Variants in CACNA2D3 observed in about 807,000 individuals in gnomAD.
CACNA2D3 encodes the protein voltage-dependent calcium channel subunit alpha-2/delta-3.
In CACNA2D3, 60 loss-of-function variants were observed where a neutral mutation model predicts 160.6. That is an observed-to-expected ratio of 0.37 (90% CI 0.30 to 0.46). The LOEUF is 0.46. CACNA2D3 is among the 20% of genes least tolerant of loss of function. The probability of loss-of-function intolerance (pLI) is 1.00; values close to 1 mark genes in which losing one functional copy is unlikely to be tolerated. For synonymous variants in CACNA2D3, 558 were observed against 492.9 expected, an observed-to-expected ratio of 1.13 and a Z score of -1.75; for missense variants, 1,205 against 1,365.0, an observed-to-expected ratio of 0.88 and a Z score of 1.85.
chr3:55,031,558 A>G (rs1703689352), intron 35 of CACNA2D3, among the ~76,000 whole-genome samples: 1 of 152,134 alleles, frequency 6.6e-6, no homozygotes, highest in African/African-American at 2.4e-5. Context: ...TTTTTTAATG[A>G]TCAGCTTTTC....
At chr3:54,280,578 C>T (rs926737484) in intron 2 of CACNA2D3, among the ~76,000 whole-genome samples, 4 of 151,984 alleles carry the variant, frequency 2.6e-5, no homozygotes, top group African/African-American at 9.7e-5. Flanking sequence ...CAGGGCAGGC[C>T]TCAGGGAGGA....
intron 11 of CACNA2D3, among the ~76,000 whole-genome samples, chr3:54,733,079 C>A (rs1285662730): frequency 2.0e-5 from 3 of 152,190 alleles, no homozygotes; most frequent in Admixed American, 1.3e-4. Flanking sequence ...TTGGTAGAAA[C>A]CTCATGTTTC....
At chr3:55,013,860 C>T (rs1232870884) in intron 34 of CACNA2D3, among the ~76,000 whole-genome samples, 1 of 152,186 alleles carries the variant, frequency 6.6e-6, no homozygotes, top group Non-Finnish European at 1.5e-5. Flanking sequence ...CACATAATTA[C>T]TGTGAACCCA....
At chr3:54,998,992 C>T (rs895359005) in intron 31 of CACNA2D3, among the ~76,000 whole-genome samples, 7 of 152,266 alleles carry the variant, frequency 4.6e-5, no homozygotes, top group East Asian at 1.9e-4. Context: ...ATGATCCGCC[C>T]GCCTTGGCCT....
At chr3:54,570,125 C>T (rs566029082) in intron 8 of CACNA2D3, 21 bp downstream of exon 8, 1 of 1,605,582 alleles carries the variant, frequency 6.2e-7, no homozygotes, top group South Asian at 1.1e-5. Flanking sequence ...CGTTTTGTGC[C>T]TTCTTTGCAC....
intron 11 of CACNA2D3, among the ~76,000 whole-genome samples, chr3:54,687,140 T>TTTTTTTTTTTTTTTTTTTTTTC (rs1559549449): frequency 1.4e-5 from 1 of 69,670 alleles, no homozygotes; most frequent in Non-Finnish European, 3.2e-5. Flanking sequence ...TTTTTGTTTT[T>TTTTTTTTTTTTTTTTTTTTTTC]TTTTTTTTTT....
Position 54,167,416 on chromosome 3 carries a change from G to T in CACNA2D3, c.204+43822G>T, listed in dbSNP as rs561563991. 2.7e-4 allele frequency among the ~76,000 whole-genome samples: 41 copies of T among 152,202 alleles called. No individual in the cohort carries two copies. The South Asian group carries it at 8.5e-3, about 32-fold the overall frequency. ...ACCAAGACATAGCATCTTCCAGCGG[G>T]TTCCTTATACCCATCTGCCATTTGT... On this transcript the variant is annotated intron_variant, in intron 2 of 37. Coordinates refer to ENST00000474759, the MANE Select transcript of CACNA2D3 (RefSeq NM_018398.3).
chr3:54,214,380 G>A (rs904733207), intron 2 of CACNA2D3, among the ~76,000 whole-genome samples: 1 of 152,082 alleles, frequency 6.6e-6, no homozygotes, highest in Non-Finnish European at 1.5e-5. Context: ...ACAAAGAGGA[G>A]CTCTAAAATT....
intron 2 of CACNA2D3, among the ~76,000 whole-genome samples, chr3:54,275,474 C>A (rs970192479): frequency 6.6e-6 from 1 of 151,850 alleles, no homozygotes; most frequent in Non-Finnish European, 1.5e-5. Context: ...ATATAAAAAA[C>A]CCAGATTTGT....
chr3:54,250,898 T>C (rs1257506831), intron 2 of CACNA2D3, among the ~76,000 whole-genome samples: 1 of 151,694 alleles, frequency 6.6e-6, no homozygotes, highest in Non-Finnish European at 1.5e-5. Context: ...AGCAGCTGGG[T>C]AGTGAGTTGG....
chr3:54,611,843 G>A (rs1417247851), intron 9 of CACNA2D3, among the ~76,000 whole-genome samples: 1 of 152,110 alleles, frequency 6.6e-6, no homozygotes, highest in Non-Finnish European at 1.5e-5. Flanking sequence ...TTGGAGTTAT[G>A]TGGCATTTTC....
intron 2 of CACNA2D3, among the ~76,000 whole-genome samples, chr3:54,280,420 G>A (rs1219518900): frequency 6.6e-6 from 1 of 152,134 alleles, no homozygotes; most frequent in African/African-American, 2.4e-5. Flanking sequence ...GCACCTATGA[G>A]TCTTGGACCC....
intron 2 of CACNA2D3, among the ~76,000 whole-genome samples, chr3:54,225,745 C>T (rs1046931106): frequency 6.6e-6 from 1 of 151,708 alleles, no homozygotes; most frequent in Non-Finnish European, 1.5e-5. Flanking sequence ...TGACCTCAAA[C>T]CTGTATCACT....
At chr3:54,909,297 T>G (rs1021474164) in intron 27 of CACNA2D3, among the ~76,000 whole-genome samples, 1 of 152,120 alleles carries the variant, frequency 6.6e-6, no homozygotes, top group Admixed American at 6.5e-5. Flanking sequence ...CATGCTTTGG[T>G]GGAAAACAGT....
chr3:54,709,547 A>G (rs959403789), intron 11 of CACNA2D3, among the ~76,000 whole-genome samples: 1 of 151,908 alleles, frequency 6.6e-6, no homozygotes, highest in Non-Finnish European at 1.5e-5. Context: ...TTTTTTGTAG[A>G]GACAGGGTCT....
chr3:54,623,130 C>G (rs1208274281), intron 9 of CACNA2D3, among the ~76,000 whole-genome samples: 1 of 152,186 alleles, frequency 6.6e-6, no homozygotes, highest in Non-Finnish European at 1.5e-5. Context: ...AGCAGAGGAG[C>G]AAAGGTATTG....
chr3:54,414,530 TACC>T (rs1699723086), intron 4 of CACNA2D3, among the ~76,000 whole-genome samples: 1 of 152,166 alleles, frequency 6.6e-6, no homozygotes, highest in South Asian at 2.1e-4. Context: ...TGTGCAAAGT[TACC>T]ACGTTAGTGA....
At chr3:54,279,399 C>G (rs1702820125) in intron 2 of CACNA2D3, among the ~76,000 whole-genome samples, 1 of 152,114 alleles carries the variant, frequency 6.6e-6, no homozygotes, top group Non-Finnish European at 1.5e-5. Flanking sequence ...CCAAGGAGAG[C>G]TGAGTAATTT....
chr3:54,579,904 C>A (rs1702645788), intron 8 of CACNA2D3, among the ~76,000 whole-genome samples: 1 of 152,160 alleles, frequency 6.6e-6, no homozygotes, highest in Admixed American at 6.5e-5. Context: ...GCCCTCAAAT[C>A]ATTGGGATAT....
Sources: allele counts gnomAD v4.1 joint callset (sites outside exome capture counted in the v4.1 genomes callset), GRCh38; gene constraint gnomAD v4.1.1; transcripts MANE v1.5; gene names NCBI Gene and HGNC (gene_info 2026-07-23, HGNC 2026-07-21).